The following KCNQ1 variants were observed in gnomAD, a reference collection of about 807,000 sequenced individuals.
KCNQ1 encodes the protein potassium voltage-gated channel subfamily KQT member 1.
In KCNQ1, 49 loss-of-function variants were observed where a neutral mutation model predicts 72.4. That is an observed-to-expected ratio of 0.68 (90% confidence interval 0.54 to 0.86). KCNQ1 has a LOEUF of 0.86. Among genes scored for constraint, KCNQ1 ranks in the 40% least tolerant of loss-of-function variants. The pLI, the probability that KCNQ1 is intolerant of heterozygous loss-of-function variation, is 0.00. For synonymous variants in KCNQ1, 450 were observed against 412.6 expected, an observed-to-expected ratio of 1.09 and a Z score of -1.10; for missense variants, 790 against 945.1, an observed-to-expected ratio of 0.84 and a Z score of 2.15.
At chr11:2,521,961 G>A (rs572675271) in intron 1 of KCNQ1, among the ~76,000 whole-genome samples, 3 of 152,328 alleles carry the variant, frequency 2.0e-5, no homozygotes, top group Non-Finnish European at 4.4e-5. Context: ...ACCCAGGCCC[G>A]CTGCCTGCAC....
chr11:2,515,504 G>A lies in KCNQ1; in HGVS notation c.387-12424G>A, dbSNP rs1020528921. ...CCACCACCCTCTGCTCCAGGACAGC[G>A]CAGCCGCCATCAGTGGGGGTGAGGG... On this transcript the variant is annotated intron_variant, in intron 1 of 15. Transcript: ENST00000155840. The surrounding 1 kb of genome is among the most constrained non-coding windows in gnomAD (Gnocchi z 4.7). 3.3e-5 allele frequency among the ~76,000 whole-genome samples: 5 copies of A among 150,006 alleles called. No homozygotes were observed. Among genetic ancestry groups the A allele is most frequent in the Non-Finnish European group, 7.4e-5 (5 of 67,576 alleles).
Position 2,673,642 on chromosome 11 carries a change from C to G in KCNQ1, c.1514+11561C>G, listed in dbSNP as rs1012166852. 2.5e-6 allele frequency: 1 copy of G among 398,642 alleles called. No individual in the cohort carries two copies. Among genetic ancestry groups the G allele is most frequent in the Non-Finnish European group, 4.4e-6 (1 of 226,164 alleles). The allele number at this position is 398,642 out of a possible 1,614,324, so 24.7% of individuals were successfully genotyped here. ...CCACCTTGCTACTGCTGATGACCAC[C>G]CTGACTCATGTCCCTTGTCTGCATA... On this transcript the variant is annotated intron_variant, in intron 11 of 15. Coordinates refer to ENST00000155840, the MANE Select transcript of KCNQ1 (RefSeq NM_000218.3). This position sits in a 1 kb window ranked among gnomAD's most constrained non-coding sequence, Gnocchi z 4.5.
chr11:2,654,713 GA>G lies in KCNQ1; in HGVS notation c.1394-7246del, dbSNP rs1849812088. The stretch of plus-strand genomic sequence containing the variant: ...TTGTCATAGGCTGGACTTGGGGCTT[GA>G]ATGCTGACCTAATCTGGGCAGGGAG... On this transcript the variant is annotated intron_variant, in intron 10 of 15. Coordinates refer to ENST00000155840, the MANE Select transcript of KCNQ1 (RefSeq NM_000218.3). This position sits in a 1 kb window ranked among gnomAD's most constrained non-coding sequence, Gnocchi z 6.4. 5.0e-6 allele frequency: 2 copies of G among 398,796 alleles called. No homozygotes were observed. Among genetic ancestry groups the G allele is most frequent in the Non-Finnish European group, 8.8e-6 (2 of 226,256 alleles). The allele number at this position is 398,796 out of a possible 1,614,324, so 24.7% of individuals were successfully genotyped here. A position where few individuals can be genotyped will look rare whatever the true frequency, so the allele number is the denominator to read the frequency against.
chr11:2,575,891 A>G (rs1342006485), intron 6 of KCNQ1, among the ~76,000 whole-genome samples: 1 of 152,220 alleles, frequency 6.6e-6, no homozygotes, highest in Non-Finnish European at 1.5e-5. Flanking sequence ...TAGAGGCCAG[A>G]GCCCGAAGCG....
At chr11:2,485,528 A>G (rs1463932652) in intron 1 of KCNQ1, among the ~76,000 whole-genome samples, 3 of 152,078 alleles carry the variant, frequency 2.0e-5, no homozygotes, top group African/African-American at 7.2e-5. Context: ...AATTGCGGTA[A>G]GATACACTAA....
rs1847160143 is a variant in KCNQ1, at chr11:2,509,533, G to T, written c.387-18395G>T. ...AGGCAGGGCAGCCTGCTCAGAGGATGAGCCCAGCTATTCTGGGAAGCAGGC... is the reference window on the plus strand; with the variant it reads ...AGGCAGGGCAGCCTGCTCAGAGGATTAGCCCAGCTATTCTGGGAAGCAGGC... On this transcript the variant is annotated intron_variant, in intron 1 of 15. Coordinates refer to ENST00000155840, the MANE Select transcript of KCNQ1 (RefSeq NM_000218.3). This position sits in a 1 kb window ranked among gnomAD's most constrained non-coding sequence, Gnocchi z 6.3. Among the ~76,000 whole-genome samples, 2 of 152,178 alleles carry T rather than the reference G, an allele frequency of 1.3e-5. No individual in the cohort carries two copies. The highest frequency in any genetic ancestry group is 4.8e-5 in the African/African-American group (2 of 41,438).
In KCNQ1 at chr11:2,752,738, T is replaced by G. The variant is rs539340133; in HGVS notation, c.1515-16106T>G. 6.6e-6 allele frequency among the ~76,000 whole-genome samples: 1 copy of G among 152,192 alleles called. No individual in the cohort carries two copies. Among genetic ancestry groups the G allele is most frequent in the Non-Finnish European group, 1.5e-5 (1 of 68,032 alleles). The stretch of plus-strand genomic sequence containing the variant: ...CGCCATCTCCTAACACCATCAGGGC[T>G]GCGGGTTAGCTTTCGACATAGGGAC... On this transcript the variant is annotated intron_variant, in intron 11 of 15. Coordinates refer to ENST00000155840, the MANE Select transcript of KCNQ1 (RefSeq NM_000218.3). This position sits in a 1 kb window ranked among gnomAD's most constrained non-coding sequence, Gnocchi z 5.2.
chr11:2,503,729 G>T (rs35474939), intron 1 of KCNQ1, among the ~76,000 whole-genome samples: 31,043 of 151,960 alleles, frequency 0.2, 3,814 homozygotes, highest in African/African-American at 0.35. Context: ...TAAATGAAAA[G>T]GTACTCAACG....
intron 6 of KCNQ1, among the ~76,000 whole-genome samples, chr11:2,576,478 T>C (rs1335660318): frequency 6.6e-6 from 1 of 152,256 alleles, no homozygotes; most frequent in East Asian, 1.9e-4. Flanking sequence ...CACGGGCTTC[T>C]CTGTTCAGCG....
Position 2,652,117 on chromosome 11 carries a change from G to T in KCNQ1, c.1394-9844G>T. The T allele has an allele frequency of 2.5e-6, 1 of 398,704 alleles. No individual in the cohort carries two copies. 24.7% of individuals were successfully genotyped at this position (398,704 alleles called of 1,614,324 possible). On this transcript the variant is annotated intron_variant, in intron 10 of 15. Transcript: ENST00000155840. The surrounding 1 kb of genome is among the most constrained non-coding windows in gnomAD (Gnocchi z 5.9). ...CCCAGTTCTGGCCTGGCTGGGAGGT[G>T]GCCTGGGAAGGGACCTGTGTTTCTC...
chr11:2,513,219 C>T (rs1847238284), intron 1 of KCNQ1, among the ~76,000 whole-genome samples: 1 of 152,182 alleles, frequency 6.6e-6, no homozygotes, highest in African/African-American at 2.4e-5. Flanking sequence ...CGTGTCATTG[C>T]ACAACTCCAG....
At chr11:2,625,866 G>A in intron 10 of KCNQ1, 1 of 398,616 alleles carries the variant, frequency 2.5e-6, no homozygotes, top group Non-Finnish European at 4.4e-6. Context: ...ACCGTGCCTG[G>A]CCCTTTTGCC....
At chr11:2,839,505 C>G (rs1035102257) in intron 15 of KCNQ1, among the ~76,000 whole-genome samples, 1 of 152,218 alleles carries the variant, frequency 6.6e-6, no homozygotes, top group Non-Finnish European at 1.5e-5. Flanking sequence ...CATGTGGCAC[C>G]GGCTCATGTC....
intron 11 of KCNQ1, chr11:2,693,716 C>G (rs1272989741): frequency 5.0e-6 from 2 of 398,570 alleles, no homozygotes; most frequent in East Asian, 7.1e-5. Flanking sequence ...GCCTTCCTGG[C>G]TGGTGTGACT....
intron 11 of KCNQ1, chr11:2,688,163 C>T (rs1850523963): frequency 7.5e-6 from 3 of 398,712 alleles, no homozygotes; most frequent in Non-Finnish European, 1.3e-5. Flanking sequence ...CTCCCTAGGC[C>T]TCTGCAGACA....
In KCNQ1 at chr11:2,562,549, C is replaced by T. The variant is rs2133712434; in HGVS notation, c.478-8079C>T. On this transcript the variant is annotated intron_variant, in intron 2 of 15. Coordinates refer to ENST00000155840, the MANE Select transcript of KCNQ1 (RefSeq NM_000218.3). This position sits in a 1 kb window ranked among gnomAD's most constrained non-coding sequence, Gnocchi z 7.5. Reference sequence around the variant, plus strand: ...CCTGGCTCAGCACAGGCCCAGCCCTCTGGCTTCCTCGCTATGGGAGGGGGT... The same window carrying T: ...CCTGGCTCAGCACAGGCCCAGCCCTTTGGCTTCCTCGCTATGGGAGGGGGT... Among the ~76,000 whole-genome samples the T allele has an allele frequency of 6.6e-6, 1 of 152,312 alleles. No individual in the cohort carries two copies. The highest frequency in any genetic ancestry group is 1.9e-4 in the East Asian group (1 of 5,176).
chr11:2,549,009 C>G lies in KCNQ1; in HGVS notation c.477+20991C>G, dbSNP rs764098183. On this transcript the variant is annotated intron_variant, in intron 2 of 15. Coordinates refer to ENST00000155840, the MANE Select transcript of KCNQ1 (RefSeq NM_000218.3). The surrounding 1 kb of genome is among the most constrained non-coding windows in gnomAD (Gnocchi z 6.2). Reference sequence around the variant, plus strand: ...TTTGGAGGATGTTTGGTGACAGGTGCTGGGGCCCGGACACGACCTGGTTTC... The same window carrying G: ...TTTGGAGGATGTTTGGTGACAGGTGGTGGGGCCCGGACACGACCTGGTTTC... Among the ~76,000 whole-genome samples the G allele has an allele frequency of 6.6e-6, 1 of 152,172 alleles. No individual in the cohort carries two copies. The highest frequency in any genetic ancestry group is 1.5e-5 in the Non-Finnish European group (1 of 68,024).
At chr11:2,792,362 T>C (rs1023294569) in intron 15 of KCNQ1, among the ~76,000 whole-genome samples, 5 of 152,180 alleles carry the variant, frequency 3.3e-5, no homozygotes, top group Admixed American at 3.3e-4. Context: ...ATGGGGTGTG[T>C]GCCCACAAGT....
intron 14 of KCNQ1, 104 bp from the exon 15 acceptor site, chr11:2,777,872 C>G: frequency 2.1e-6 from 2 of 953,008 alleles, no homozygotes; most frequent in Non-Finnish European, 1.7e-6. Flanking sequence ...CATTTTGACT[C>G]TCAGCTACCT....
Sources: allele counts gnomAD v4.1 joint callset (sites outside exome capture counted in the v4.1 genomes callset), GRCh38; gene constraint gnomAD v4.1.1; non-coding constraint Gnocchi (gnomAD v3.1); transcripts MANE v1.5; gene names NCBI Gene and HGNC (gene_info 2026-07-23, HGNC 2026-07-21).